Variants in CUEDC2 observed in about 807,000 individuals in gnomAD.
CUEDC2 encodes CUE domain containing 2, also known as CUE domain-containing protein 2.
Under a neutral mutation model 36.0 loss-of-function variants are expected in CUEDC2, and 10 were observed. The ratio of observed to expected loss-of-function variants is 0.28; its 90% CI spans 0.17 to 0.47. The LOEUF (loss-of-function observed/expected upper bound fraction) is 0.47. CUEDC2 is among the 20% of genes least tolerant of loss of function. The probability of loss-of-function intolerance (pLI) is 0.99; values close to 1 mark genes in which losing one functional copy is unlikely to be tolerated. For missense variants in CUEDC2, 269 were observed against 368.1 expected (o/e 0.73, Z 2.20); for synonymous variants, 133 against 141.8 (o/e 0.94, Z 0.44).
At chr10:102,425,257 C>T in intron 1 of CUEDC2, 59 bp from the exon 2 acceptor site, 2 of 1,306,456 alleles carry the variant, frequency 1.5e-6, no homozygotes, top group South Asian at 2.4e-5. Flanking sequence ...CCCACTGGGC[C>T]TGGGGGCAGT....
intron 1 of CUEDC2, among the ~76,000 whole-genome samples, chr10:102,430,824 C>T (rs1282368643): frequency 6.6e-6 from 1 of 152,148 alleles, no homozygotes. Flanking sequence ...TAAGTAGCAC[C>T]TAAGCAGCCA....
chr10:102,425,628 A>G (rs1213946483), intron 1 of CUEDC2, among the ~76,000 whole-genome samples: 2 of 151,622 alleles, frequency 1.3e-5, no homozygotes, highest in Non-Finnish European at 2.9e-5. Context: ...GACCAAGCAC[A>G]GCCCTTCCCC....
At chr10:102,426,966 A>G (rs1166834701) in intron 1 of CUEDC2, among the ~76,000 whole-genome samples, 1 of 151,910 alleles carries the variant, frequency 6.6e-6, no homozygotes, top group Non-Finnish European at 1.5e-5. Flanking sequence ...CCCGGCCTCA[A>G]AATTTCTTAG....
At chr10:102,430,318 T>G (rs561012202) in intron 1 of CUEDC2, among the ~76,000 whole-genome samples, 34 of 151,676 alleles carry the variant, frequency 2.2e-4, no homozygotes, top group African/African-American at 7.7e-4. Context: ...TACAAGCATG[T>G]GCCACCATGC....
intron 1 of CUEDC2, among the ~76,000 whole-genome samples, chr10:102,432,102 T>C (rs1565238647): frequency 6.6e-6 from 1 of 152,142 alleles, no homozygotes; most frequent in Non-Finnish European, 1.5e-5. Flanking sequence ...CCCCAGAGGA[T>C]ATCATTGTCC....
chr10:102,423,905 G>A lies in CUEDC2; in HGVS notation c.595-46C>T, dbSNP rs769989338. Reference sequence around the variant, plus strand: ...GTCTAGGCCCAAGGGCACCAGCAGGGGAAACAGATGGGGATAGGTAGGGGT... The same window carrying A: ...GTCTAGGCCCAAGGGCACCAGCAGGAGAAACAGATGGGGATAGGTAGGGGT... On this transcript the variant is annotated intron_variant, in intron 6 of 8. Transcript: ENST00000369937. This position sits in a 1 kb window ranked among gnomAD's most constrained non-coding sequence, Gnocchi z 5.6. 3 of 1,602,468 alleles carry A rather than the reference G, an allele frequency of 1.9e-6. No individual in the cohort carries two copies. Among genetic ancestry groups the A allele is most frequent in the East Asian group, 4.5e-5 (2 of 44,788 alleles).
At chr10:102,425,229 T>G (rs754464350) in intron 1 of CUEDC2, 31 bp from the exon 2 acceptor site, 18 of 1,544,198 alleles carry the variant, frequency 1.2e-5, no homozygotes, top group African/African-American at 8.1e-5. Context: ...TGGCCAGGCC[T>G]TCTTCTGCCT....
intron 1 of CUEDC2, among the ~76,000 whole-genome samples, chr10:102,430,105 G>A: frequency 6.8e-6 from 1 of 147,432 alleles, no homozygotes; most frequent in East Asian, 2.0e-4. Flanking sequence ...GGTGGTGACT[G>A]AAACTTGGCT....
At chr10:102,432,427 CG>C (rs397970767) in intron 1 of CUEDC2, 98 bp downstream of exon 1, 5 of 151,714 alleles carry the variant, frequency 3.3e-5, no homozygotes, top group African/African-American at 4.8e-5. Flanking sequence ...CGACGGGCCC[CG>C]GGGGGGGTAC....
rs961475404 is a variant in CUEDC2 at position 102,423,924 on chromosome 10, T to C, written c.595-65A>G. On this transcript the variant is annotated intron_variant, in intron 6 of 8. Coordinates refer to ENST00000369937, the MANE Select transcript of CUEDC2 (RefSeq NM_024040.3). The surrounding 1 kb of genome is among the most constrained non-coding windows in gnomAD (Gnocchi z 5.6). ...AGCAGGGGAAACAGATGGGGATAGG[T>C]AGGGGTTGGGGCTTAACACCAAGGT... The C allele has an allele frequency of 6.2e-7, 1 of 1,601,276 alleles. No individual in the cohort carries two copies. The highest frequency in any genetic ancestry group is 8.5e-7 in the Non-Finnish European group (1 of 1,173,346).
chr10:102,423,743 T>C lies in CUEDC2; in HGVS notation c.657-26A>G. 1 of 1,614,056 alleles carries C rather than the reference T, an allele frequency of 6.2e-7. No individual in the cohort carries two copies. The highest frequency in any genetic ancestry group is 8.5e-7 in the Non-Finnish European group (1 of 1,179,978). ...CTGTCAAAAACTGGCTGGGTGAAGC[T>C]CCTGTCACCCTGGGAAGACCCTCTA... On this transcript the variant is annotated intron_variant, in intron 7 of 8. Transcript: ENST00000369937. The surrounding 1 kb of genome is among the most constrained non-coding windows in gnomAD (Gnocchi z 5.6).
In CUEDC2 at chr10:102,424,641, G is replaced by A. The variant is rs779314742; in HGVS notation, c.218+8C>T. 2 of 1,614,072 alleles carry A rather than the reference G, an allele frequency of 1.2e-6. No individual in the cohort carries two copies. The highest frequency in any genetic ancestry group is 4.5e-5 in the East Asian group (2 of 44,902). ...CCCTTCCTCCTCCTGGCCCTAGCCA[G>A]AACCTACCTGGGGATGTGGGCGAAG... On this transcript the variant is annotated splice_region_variant and intron_variant, in intron 3 of 8. Coordinates refer to ENST00000369937, the MANE Select transcript of CUEDC2 (RefSeq NM_024040.3). The surrounding 1 kb of genome is among the most constrained non-coding windows in gnomAD (Gnocchi z 4.2).
At chr10:102,427,556 C>T (rs2061601752) in intron 1 of CUEDC2, among the ~76,000 whole-genome samples, 2 of 152,210 alleles carry the variant, frequency 1.3e-5, no homozygotes, top group Non-Finnish European at 2.9e-5. Flanking sequence ...ATATCCTTGA[C>T]ACCATCCTAC....
At chr10:102,425,390 ACT>A (rs1042095756) in intron 1 of CUEDC2, among the ~76,000 whole-genome samples, 192 bp from the exon 2 acceptor site, 2 of 146,014 alleles carry the variant, frequency 1.4e-5, no homozygotes, top group African/African-American at 5.1e-5. Context: ...AGGACAGGGC[ACT>A]GTGTCTGGAG....
intron 1 of CUEDC2, among the ~76,000 whole-genome samples, chr10:102,430,147 T>TTTCA (rs2061611657): frequency 8.3e-6 from 1 of 120,470 alleles, no homozygotes; most frequent in Non-Finnish European, 1.7e-5. Context: ...TTTTTTTTAA[T>TTTCA]TTTATTTATT....
Position 102,424,488 on chromosome 10 carries a change from C to T in CUEDC2, c.280+11G>A. Reference sequence around the variant, plus strand: ...TATGAATCACTCAGGTGCCCAGAGCCCCAGACTCACCTTTGTTCCTGGCAT... The same window carrying T: ...TATGAATCACTCAGGTGCCCAGAGCTCCAGACTCACCTTTGTTCCTGGCAT... On this transcript the variant is annotated intron_variant, in intron 4 of 8. Coordinates refer to ENST00000369937, the MANE Select transcript of CUEDC2 (RefSeq NM_024040.3). This position sits in a 1 kb window ranked among gnomAD's most constrained non-coding sequence, Gnocchi z 4.2. 2 of 1,614,062 alleles carry T rather than the reference C, an allele frequency of 1.2e-6. No individual in the cohort carries two copies. Among genetic ancestry groups the T allele is most frequent in the African/African-American group, 2.7e-5 (2 of 75,000 alleles).
At position 102,423,546 on chromosome 10, in the gene CUEDC2, G is replaced by A. The variant is rs747371833; in HGVS notation, c.744C>T (p.Ile248=). ...KEAPKKLIRY[I]DNQVVSTKGE... ...CTTTGGTGCTCACTACCTGGTTGTC[G>A]ATGTATCGGATCAGCTTCTTGGGGG... The change falls in exon 9 of 9, where the codon ATC becomes ATT. Residue 248 remains isoleucine (I), a synonymous_variant. Coordinates refer to ENST00000369937, the MANE Select transcript of CUEDC2 (RefSeq NM_024040.3). The surrounding 1 kb of genome is among the most constrained non-coding windows in gnomAD (Gnocchi z 5.6). The A allele has an allele frequency of 1.7e-5, 27 of 1,614,062 alleles. No individual in the cohort carries two copies. Among genetic ancestry groups the A allele is most frequent in the African/African-American group, 2.7e-5 (2 of 74,914 alleles).
chr10:102,425,398 T>A (rs1191378342), intron 1 of CUEDC2, among the ~76,000 whole-genome samples, 200 bp from the exon 2 acceptor site: 1 of 149,966 alleles, frequency 6.7e-6, no homozygotes, highest in Non-Finnish European at 1.5e-5. Flanking sequence ...GCACTGTGTC[T>A]GGAGACAGCC....
chr10:102,427,680 C>T (rs935134895), intron 1 of CUEDC2, among the ~76,000 whole-genome samples: 1 of 151,780 alleles, frequency 6.6e-6, no homozygotes, highest in South Asian at 2.1e-4. Flanking sequence ...GCAAGAACTT[C>T]CTAACCCTTC....
Sources: allele counts gnomAD v4.1 joint callset (sites outside exome capture counted in the v4.1 genomes callset), GRCh38; gene constraint gnomAD v4.1.1; non-coding constraint Gnocchi (gnomAD v3.1); transcripts MANE v1.5; gene names NCBI Gene and HGNC (gene_info 2026-07-23, HGNC 2026-07-21).